STON1: variants seen among roughly 807,000 people sequenced by gnomAD.
The protein encoded by STON1 is stonin 1.
Under a neutral mutation model 60.9 loss-of-function variants are expected in STON1, and 79 were observed. That is an observed-to-expected ratio of 1.30 (90% confidence interval 1.08 to 1.56). The LOEUF is 1.56. Ranked by LOEUF, STON1 falls within the 40% of genes most tolerant of loss-of-function variation. The probability of loss-of-function intolerance (pLI) is 0.00; values close to 1 mark genes in which losing one functional copy is unlikely to be tolerated. For synonymous variants in STON1, 363 were observed against 306.9 expected (o/e 1.18, Z -1.91); for missense variants, 1,166 against 858.9 (o/e 1.36, Z -4.47).
intron 1 of STON1, among the ~76,000 whole-genome samples, chr2:48,546,069 C>T (rs902167830): frequency 7.9e-5 from 12 of 152,148 alleles, no homozygotes; most frequent in African/African-American, 2.7e-4. Context: ...GGTTTCAACC[C>T]TCATGTCTTA....
In STON1 at chr2:48,591,667, C is replaced by T; in HGVS notation, c.1945C>T (p.His649Tyr). 1 of 1,613,966 alleles carries T rather than the reference C, an allele frequency of 6.2e-7. No homozygotes were observed. The highest frequency in any genetic ancestry group is 8.5e-7 in the Non-Finnish European group (1 of 1,180,020). ...TTTCCCTCGAGGTCTAGATCATCCC[C>T]ATTGTCTGTCATACAAATTAGAGCT... ...PDKNSSLDHP[H>Y]CLSYKLELGS... The change falls in exon 3 of 4, where the codon CAT becomes TAT. Residue 649 changes from histidine (H) to tyrosine (Y), a missense_variant. His to Tyr is a moderately conservative substitution (Grantham distance 83). Coordinates refer to ENST00000404752, the MANE Select transcript of STON1 (RefSeq NM_006873.4).
At chr2:48,561,447 A>C (rs1255313215) in intron 1 of STON1, among the ~76,000 whole-genome samples, 6 of 152,238 alleles carry the variant, frequency 3.9e-5, no homozygotes. Flanking sequence ...CTCTGATAGC[A>C]TCATTTTCTG....
rs998897499 is a variant in STON1, at chr2:48,596,086, T to C, written c.*784T>C. On this transcript the variant is annotated 3_prime_UTR_variant, in exon 4 of 4. Transcript: ENST00000404752. ...TTAACATATTTGTGTATATTAAATA[T>C]GAATTTTTAAAATTTATAAATACTA... 1.3e-5 allele frequency: 2 copies of C among 152,226 alleles called. No homozygotes were observed. The highest frequency in any genetic ancestry group is 2.9e-5 in the Non-Finnish European group (2 of 68,038). 9.4% of individuals were successfully genotyped at this position (152,226 alleles called of 1,614,324 possible).
At position 48,595,249 on chromosome 2, in the gene STON1, A is replaced by T; in HGVS notation, c.2155A>T (p.Ile719Phe). 1.9e-6 allele frequency: 3 copies of T among 1,613,892 alleles called. No homozygotes were observed. Among genetic ancestry groups the T allele is most frequent in the Non-Finnish European group, 2.5e-6 (3 of 1,179,796 alleles). The change falls in exon 4 of 4, where the codon ATT becomes TTT. Residue 719 changes from isoleucine (I) to phenylalanine (F), a missense_variant. Ile to Phe is a conservative substitution (Grantham distance 21). Coordinates refer to ENST00000404752, the MANE Select transcript of STON1 (RefSeq NM_006873.4). Reference protein sequence around the residue: ...NIQVEIEKKWIKIDGEDPDKI... With the variant: ...NIQVEIEKKWFKIDGEDPDKI... ...ACAGGTTGAAATAGAAAAGAAGTGG[A>T]TTAAAATCGATGGAGAAGACCCAGA...
rs111268678 is a variant in STON1 at position 48,545,336 on chromosome 2, G to A, written c.-48+15120G>A. 1.3e-3 allele frequency among the ~76,000 whole-genome samples: 191 copies of A among 152,240 alleles called. 2 individuals are homozygous for A. Among genetic ancestry groups the A allele is most frequent in the African/African-American group, 4.2e-3 (174 of 41,536 alleles). ...CAGCTTTCAACAGCCCCTGCTTGTC[G>A]GTATTGGCCTCCTCTGCACCCACAT... On this transcript the variant is annotated intron_variant, in intron 1 of 3. Coordinates refer to ENST00000404752, the MANE Select transcript of STON1 (RefSeq NM_006873.4).
chr2:48,589,281 G>C (rs1461148078), intron 2 of STON1, among the ~76,000 whole-genome samples: 2 of 152,124 alleles, frequency 1.3e-5, no homozygotes, highest in Admixed American at 6.6e-5. Flanking sequence ...ATATCAACTA[G>C]ACCTAAGATT....
Position 48,598,449 on chromosome 2 carries a change from A to G in STON1, c.*3147A>G, listed in dbSNP as rs1329566014. On this transcript the variant is annotated 3_prime_UTR_variant, in exon 4 of 4. Transcript: ENST00000404752. ...ATATAAGACAGGTTGAGCCTTAATC[A>G]TGTAACAAAATATTTTGTAGATTAC... 6.6e-6 allele frequency: 1 copy of G among 152,660 alleles called. No individual in the cohort carries two copies. Among genetic ancestry groups the G allele is most frequent in the Non-Finnish European group, 1.5e-5 (1 of 68,034 alleles). The allele number at this position is 152,660 out of a possible 1,614,324, so 9.5% of individuals were successfully genotyped here. A position where few individuals can be genotyped will look rare whatever the true frequency, so the allele number is the denominator to read the frequency against.
At chr2:48,536,098 CA>C (rs1046953138) in intron 1 of STON1, among the ~76,000 whole-genome samples, 1 of 150,792 alleles carries the variant, frequency 6.6e-6, no homozygotes, top group African/African-American at 2.4e-5. Context: ...AAAAATAAAT[CA>C]AAAAACCTAA....
intron 1 of STON1, among the ~76,000 whole-genome samples, chr2:48,536,503 G>A (rs1043314473): frequency 5.6e-5 from 8 of 142,814 alleles, no homozygotes; most frequent in Non-Finnish European, 9.1e-5. Context: ...AGCTGAGATC[G>A]TGCCATTGCA....
At position 48,582,142 on chromosome 2, in the gene STON1, G is replaced by A; in HGVS notation, c.1509G>A (p.Lys503=). Reference sequence around the variant, plus strand: ...AATTTGAGCAATCAAGAATCATTAAGTTTGTACCTCTGGATGCCTGCCGGT... The same window carrying A: ...AATTTGAGCAATCAAGAATCATTAAATTTGTACCTCTGGATGCCTGCCGGT... ...VQEFEQSRII[K]FVPLDACRFE... Residue 503 remains lysine (K), a synonymous_variant, in exon 2 of 4, where the codon AAG becomes AAA. Coordinates refer to ENST00000404752, the MANE Select transcript of STON1 (RefSeq NM_006873.4). 3 of 1,614,234 alleles carry A rather than the reference G, an allele frequency of 1.9e-6. No homozygotes were observed. Among genetic ancestry groups the A allele is most frequent in the African/African-American group, 2.7e-5 (2 of 75,066 alleles).
intron 1 of STON1, among the ~76,000 whole-genome samples, chr2:48,543,389 A>ATT (rs1173273646): frequency 6.6e-6 from 1 of 152,004 alleles, no homozygotes; most frequent in East Asian, 1.9e-4. Flanking sequence ...CTCCCAGCCT[A>ATT]TTGTTGGATC....
rs2103978701 is a variant in STON1, at chr2:48,597,770, A to T, written c.*2468A>T. The T allele has an allele frequency of 6.5e-6, 1 of 152,706 alleles. No individual in the cohort carries two copies. Among genetic ancestry groups the T allele is most frequent in the African/African-American group, 2.4e-5 (1 of 41,588 alleles). 9.5% of individuals were successfully genotyped at this position (152,706 alleles called of 1,614,324 possible). ...ATATTCATTACTTAATGTTAAATTA[A>T]CATTCTGTGTAGGGAGGGGAGGCTT... On this transcript the variant is annotated 3_prime_UTR_variant, in exon 4 of 4. Transcript: ENST00000404752.
chr2:48,592,689 G>A (rs1674592160), intron 3 of STON1, among the ~76,000 whole-genome samples: 1 of 151,564 alleles, frequency 6.6e-6, no homozygotes, highest in Admixed American at 6.6e-5. Flanking sequence ...TCAAACTCCC[G>A]ACCTTAGGTA....
chr2:48,575,626 C>G (rs1486743670), intron 1 of STON1, among the ~76,000 whole-genome samples: 2 of 151,300 alleles, frequency 1.3e-5, no homozygotes, highest in East Asian at 3.9e-4. Context: ...GCACTCCAGC[C>G]TGGGCAACAA....
chr2:48,577,576 G>A (rs1251223829), intron 1 of STON1, among the ~76,000 whole-genome samples: 3 of 142,200 alleles, frequency 2.1e-5, no homozygotes, highest in East Asian at 2.1e-4. Flanking sequence ...GCGAGACTCC[G>A]TCTCATAAAA....
rs913558201 is a variant in STON1 at position 48,598,102 on chromosome 2, A to G, written c.*2800A>G. On this transcript the variant is annotated 3_prime_UTR_variant, in exon 4 of 4. Transcript: ENST00000404752. ...TGGTCACCTTTCCAGTTACAGGATC[A>G]TATTAACTGTGTAAATGAATTCATG... The G allele has an allele frequency of 2.6e-5, 4 of 152,222 alleles. No homozygotes were observed. Among genetic ancestry groups the G allele is most frequent in the Admixed American group, 6.5e-5 (1 of 15,282 alleles). 9.4% of individuals were successfully genotyped at this position (152,222 alleles called of 1,614,324 possible).
chr2:48,568,728 C>G (rs914431597), intron 1 of STON1, among the ~76,000 whole-genome samples: 1 of 152,082 alleles, frequency 6.6e-6, no homozygotes, highest in Non-Finnish European at 1.5e-5. Flanking sequence ...CAGAAATGAC[C>G]CAAATTTGTA....
In STON1 at chr2:48,564,589, TCCTCCTCCTC is replaced by T. The variant is rs1558606012; in HGVS notation, c.-47-15996_-47-15987del. Among the ~76,000 whole-genome samples the T allele has an allele frequency of 5.1e-4, 33 of 64,860 alleles. 8 individuals are homozygous for T. Among genetic ancestry groups the T allele is most frequent in the Non-Finnish European group, 2.2e-4 (6 of 27,302 alleles). 42.6% of individuals were successfully genotyped at this position (64,860 alleles called of 152,430 possible). On this transcript the variant is annotated intron_variant, in intron 1 of 3. Coordinates refer to ENST00000404752, the MANE Select transcript of STON1 (RefSeq NM_006873.4). The stretch of plus-strand genomic sequence containing the variant: ...CTTCTCCTTCTCCTTCTCCTCCTCC[TCCTCCTCCTC>T]CTCCTTCTCCTTCTCCTTCTCCTTC...
chr2:48,557,309 G>A (rs1284430990), intron 1 of STON1, among the ~76,000 whole-genome samples: 1 of 86,082 alleles, frequency 1.2e-5, no homozygotes, highest in Non-Finnish European at 2.5e-5. Context: ...GTCTCGGCCG[G>A]GCAGAGGCGC....
Sources: gnomAD v4.1 joint callset for allele counts (sites outside exome capture counted in the v4.1 genomes callset) on GRCh38, gnomAD v4.1.1 for gene constraint, MANE v1.5 for transcripts, NCBI Gene and HGNC (gene_info 2026-07-23, HGNC 2026-07-21) for gene names.